The following CFAP54 variants were observed in gnomAD, a reference collection of about 807,000 sequenced individuals.
CFAP54 encodes cilia and flagella associated protein 54, also known as cilia- and flagella-associated protein 54.
CFAP54 carries 290 observed loss-of-function variants against 370.4 expected under a neutral mutation model. The ratio of observed to expected loss-of-function variants is 0.78; its 90% CI spans 0.71 to 0.86. CFAP54 has a LOEUF of 0.86. Among genes scored for constraint, CFAP54 ranks in the 40% least tolerant of loss-of-function variants. The pLI is 0.00. For synonymous variants in CFAP54, 1,206 were observed against 1,236.5 expected, an observed-to-expected ratio of 0.98 and a Z score of 0.52; for missense variants, 3,399 against 3,528.7, an observed-to-expected ratio of 0.96 and a Z score of 0.93.
At chr12:96,546,294 C>T (rs1023043289) in intron 14 of CFAP54, among the ~76,000 whole-genome samples, 1 of 152,178 alleles carries the variant, frequency 6.6e-6, no homozygotes, top group Non-Finnish European at 1.5e-5. Context: ...AGGGACCCCC[C>T]ACTCCACACT....
rs575973189 is a variant in CFAP54 at position 96,817,565 on chromosome 12, C to T, written c.8958-210C>T. ...CCTCCTGAGTAGCTGGCACTACAGG[C>T]GCCTGCCACCACACCTGGCTAATTT... On this transcript the variant is annotated intron_variant, in intron 64 of 67. Coordinates refer to ENST00000524981, the MANE Select transcript of CFAP54 (RefSeq NM_001306084.2). Among the ~76,000 whole-genome samples the T allele has an allele frequency of 3.9e-5, 6 of 152,002 alleles. No homozygotes were observed. The East Asian group carries it at 5.8e-4, about 15-fold the overall frequency.
intron 33 of CFAP54, chr12:96,645,999 A>G (rs1359507781): frequency 6.6e-6 from 1 of 152,226 alleles, no homozygotes; most frequent in East Asian, 1.9e-4. Flanking sequence ...TAAAAACCCT[A>G]GAAGAAAACC....
At position 96,541,011 on chromosome 12, in the gene CFAP54, T is replaced by C. The variant is rs532458192; in HGVS notation, c.2077+24T>C. On this transcript the variant is annotated intron_variant, in intron 14 of 67. Transcript: ENST00000524981. ...AGGTAAAATGTTGGCTGAAAAATTG[T>C]ATACATATATAAATACAAATATATA... 3.5e-6 allele frequency: 5 copies of C among 1,428,918 alleles called. No individual in the cohort carries two copies. The South Asian group carries it at 4.4e-5, about 12-fold the overall frequency. 88.5% of individuals were successfully genotyped at this position (1,428,918 alleles called of 1,614,324 possible).
rs1465546467 is a variant in CFAP54, at chr12:96,693,773, G to C, written c.6316G>C (p.Asp2106His). The C allele has an allele frequency of 1.2e-6, 2 of 1,600,248 alleles. No individual in the cohort carries two copies. Among genetic ancestry groups the C allele is most frequent in the South Asian group, 2.2e-5 (2 of 90,126 alleles). The change falls in exon 45 of 68, where the codon GAC (aspartate) becomes CAC (histidine). Residue 2106 changes from aspartate (D) to histidine (H), a missense_variant. Physicochemically the swap from Asp to His is moderately conservative, Grantham distance 81. Around this residue, in one of 3 missense-constraint regions of CFAP54, gnomAD observed 2,796 missense variants for 2,869.7 expected, o/e 0.97. Transcript: ENST00000524981. ...YQYFVSGICQDITRNLEARIL... is the reference protein window; with the variant it reads ...YQYFVSGICQHITRNLEARIL... ...ATATTTTGTTTCTGGAATTTGTCAAGACATAACAAGAAATCTAGAAGCAAG... is the reference window on the plus strand; with the variant it reads ...ATATTTTGTTTCTGGAATTTGTCAACACATAACAAGAAATCTAGAAGCAAG...
At chr12:96,742,704 T>A in intron 52 of CFAP54, 118 bp downstream of exon 52, 1 of 1,003,012 alleles carries the variant, frequency 1.0e-6, no homozygotes, top group East Asian at 2.7e-5. Context: ...CTTGATCTGC[T>A]TATAGAATTA....
At chr12:96,760,784 A>G (rs1958327456) in intron 58 of CFAP54, among the ~76,000 whole-genome samples, 1 of 152,182 alleles carries the variant, frequency 6.6e-6, no homozygotes, top group Non-Finnish European at 1.5e-5. Flanking sequence ...GTAGTGTGTA[A>G]CGGTAGTTTT....
In CFAP54 at chr12:96,874,797, C is replaced by T. The variant is rs994991254; in HGVS notation, c.*15-321C>T. Among the ~76,000 whole-genome samples, 10 of 151,416 alleles carry T rather than the reference C, an allele frequency of 6.6e-5. 1 individual carries two copies. The highest frequency in any genetic ancestry group is 4.6e-4 in the Admixed American group (7 of 15,222). ...GGCGCCCGCCACTACGCCCGGCTAA[C>T]TTTTTGTATTTTTAGTAGAGACGGG... On this transcript the variant is annotated intron_variant, in intron 67 of 67. Coordinates refer to ENST00000524981, the MANE Select transcript of CFAP54 (RefSeq NM_001306084.2).
rs192208908 is a variant in CFAP54, at chr12:96,492,160, C to G, written c.317+2234C>G. ...CCACCACCATTTCACATTTTCCCTGCAGCCACTCTGTCTCCAATCTATCCT... is the reference window on the plus strand; with the variant it reads ...CCACCACCATTTCACATTTTCCCTGGAGCCACTCTGTCTCCAATCTATCCT... On this transcript the variant is annotated intron_variant, in intron 1 of 67. Transcript: ENST00000524981. Among the ~76,000 whole-genome samples, 6 of 152,340 alleles carry G rather than the reference C, an allele frequency of 3.9e-5. No homozygotes were observed. The East Asian group carries it at 1.2e-3, about 29-fold the overall frequency.
intron 45 of CFAP54, among the ~76,000 whole-genome samples, chr12:96,697,690 T>C (rs1328328759): frequency 6.6e-6 from 1 of 152,196 alleles, no homozygotes; most frequent in Non-Finnish European, 1.5e-5. Flanking sequence ...TCCTATGTTA[T>C]GTATTTACAT....
At chr12:96,526,885 G>GTTTTTTTT (rs34080505) in intron 8 of CFAP54, among the ~76,000 whole-genome samples, 31 of 97,698 alleles carry the variant, frequency 3.2e-4, no homozygotes, top group Non-Finnish European at 4.7e-4. Flanking sequence ...CTTATAACAG[G>GTTTTTTTT]TTTTTTTTTT....
chr12:96,751,023 T>G (rs1049580713), intron 55 of CFAP54, among the ~76,000 whole-genome samples: 2 of 152,244 alleles, frequency 1.3e-5, no homozygotes, highest in Non-Finnish European at 2.9e-5. Context: ...CTTAAAATTT[T>G]TTTTCATGTG....
intron 17 of CFAP54, among the ~76,000 whole-genome samples, chr12:96,557,508 C>G (rs148403515): frequency 1.3e-5 from 2 of 152,050 alleles, no homozygotes; most frequent in Non-Finnish European, 2.9e-5. Context: ...AAGCAGTGTT[C>G]ATAATAGCAA....
chr12:96,757,597 C>A lies in CFAP54; in HGVS notation c.8040+9C>A, dbSNP rs190529848. 12 of 1,509,618 alleles carry A rather than the reference C, an allele frequency of 7.9e-6. No individual in the cohort carries two copies. The Admixed American group carries it at 1.8e-4, about 22-fold the overall frequency. The allele number at this position is 1,509,618 out of a possible 1,614,324, so 93.5% of individuals were successfully genotyped here. A position where few individuals can be genotyped will look rare whatever the true frequency, so the allele number is the denominator to read the frequency against. On this transcript the variant is annotated intron_variant, in intron 58 of 67. Transcript: ENST00000524981. ...CACCATTAACACTTAAGGTAAGAGT[C>A]TATTTTATTAGAAATTATGAGTTAA...
intron 65 of CFAP54, among the ~76,000 whole-genome samples, chr12:96,825,724 A>G (rs1424133064): frequency 1.6e-5 from 2 of 125,034 alleles, no homozygotes; most frequent in Admixed American, 9.1e-5. Context: ...ATTATATAAT[A>G]TATTATATAA....
Position 96,791,184 on chromosome 12 carries a change from C to CTTTTTTTTT in CFAP54, c.8680-1135_8680-1127dup, listed in dbSNP as rs369132463. Among the ~76,000 whole-genome samples, 21 of 131,430 alleles carry CTTTTTTTTT rather than the reference C, an allele frequency of 1.6e-4. No homozygotes were observed. The East Asian group carries it at 2.2e-3, about 14-fold the overall frequency. The allele number at this position is 131,430 out of a possible 152,430, so 86.2% of individuals were successfully genotyped here. On this transcript the variant is annotated intron_variant, in intron 62 of 67. Transcript: ENST00000524981. Reference sequence around the variant, plus strand: ...GTAGTTTGCACTTCATTGAAGAACGCTTTTTTTTTTTTTTTTTTGAGACGG... The same window carrying CTTTTTTTTT: ...GTAGTTTGCACTTCATTGAAGAACGCTTTTTTTTTTTTTTTTTTTTTTTTTTTGAGACGG...
At chr12:96,715,554 G>A (rs908826257) in intron 48 of CFAP54, among the ~76,000 whole-genome samples, 1 of 152,104 alleles carries the variant, frequency 6.6e-6, no homozygotes, top group African/African-American at 2.4e-5. Flanking sequence ...AGTATTGCTG[G>A]ATTCATGATT....
At chr12:96,728,550 G>A (rs1957873242) in intron 50 of CFAP54, among the ~76,000 whole-genome samples, 1 of 152,118 alleles carries the variant, frequency 6.6e-6, no homozygotes, top group Non-Finnish European at 1.5e-5. Flanking sequence ...GCACTTCTCT[G>A]TATTGGTTAT....
intron 36 of CFAP54, among the ~76,000 whole-genome samples, chr12:96,655,103 A>C (rs922782097): frequency 2.0e-5 from 3 of 152,070 alleles, no homozygotes; most frequent in African/African-American, 7.2e-5. Context: ...TACTAAAGCT[A>C]TGGTAATTAG....
At chr12:96,565,077 A>G (rs1408392710) in intron 19 of CFAP54, 1 of 168,916 alleles carries the variant, frequency 5.9e-6, no homozygotes, top group Non-Finnish European at 1.3e-5. Context: ...ATTCTTTACA[A>G]TGGAATTAAA....
Sources: gnomAD v4.1 joint callset for allele counts (sites outside exome capture counted in the v4.1 genomes callset) on GRCh38, gnomAD v4.1.1 for gene constraint, gnomAD v4.1.1 regional missense constraint, MANE v1.5 for transcripts, NCBI Gene and HGNC (gene_info 2026-07-23, HGNC 2026-07-21) for gene names.